SEMA6D: variants seen among roughly 807,000 people sequenced by gnomAD.
SEMA6D encodes the protein semaphorin 6D, also known as semaphorin-6D.
A neutral mutation model predicts 106.6 loss-of-function variants in SEMA6D; 35 were observed. The observed-to-expected ratio is 0.33, with a 90% CI of 0.25 to 0.44. SEMA6D has a LOEUF of 0.44. Among genes scored for constraint, SEMA6D ranks in the 20% least tolerant of loss-of-function variants. The pLI is 1.00. For missense variants in SEMA6D, 1,185 were observed against 1,345.9 expected (o/e 0.88, Z 1.87); for synonymous variants, 499 against 487.7 (o/e 1.02, Z -0.31).
chr15:47,360,843 C>G (rs2038778354), intron 1 of SEMA6D, among the ~76,000 whole-genome samples: 1 of 152,152 alleles, frequency 6.6e-6, no homozygotes, highest in Non-Finnish European at 1.5e-5. Flanking sequence ...AACACTAAAT[C>G]ACAGGAAACC....
At chr15:47,329,313 AT>A (rs1244630662) in intron 1 of SEMA6D, among the ~76,000 whole-genome samples, 1 of 152,144 alleles carries the variant, frequency 6.6e-6, no homozygotes, top group Non-Finnish European at 1.5e-5. Flanking sequence ...CCTTCTTCTC[AT>A]TTTCTTAACC....
rs117486552 is a variant in SEMA6D at position 47,364,263 on chromosome 15, A to T, written c.-238-48130A>T. ...GGTAGGAGGTTGTGGAACTATTTTC[A>T]TGCCTTTGAAGCTGCAGGTCAGAAC... On this transcript the variant is annotated intron_variant, in intron 1 of 19. Transcript: ENST00000558014. Among the ~76,000 whole-genome samples, 545 of 152,260 alleles carry T rather than the reference A, an allele frequency of 3.6e-3. 1 individual carries two copies. Among genetic ancestry groups the T allele is most frequent in the Non-Finnish European group, 6.0e-3 (407 of 68,026 alleles).
intron 1 of SEMA6D, among the ~76,000 whole-genome samples, chr15:47,724,361 G>A (rs1301970233): frequency 6.6e-6 from 1 of 152,230 alleles, no homozygotes; most frequent in Non-Finnish European, 1.5e-5. Context: ...AGAGGTCAGG[G>A]ATCTTACTGC....
chr15:47,493,042 G>A (rs1567118365), intron 3 of SEMA6D, among the ~76,000 whole-genome samples: 1 of 152,124 alleles, frequency 6.6e-6, no homozygotes, highest in Non-Finnish European at 1.5e-5. Flanking sequence ...TGGAATGAAA[G>A]ACACAGATTT....
At chr15:47,603,152 ACTT>A (rs995267960) in intron 4 of SEMA6D, among the ~76,000 whole-genome samples, 13 of 152,072 alleles carry the variant, frequency 8.5e-5, no homozygotes, top group Non-Finnish European at 1.6e-4. Flanking sequence ...TAGGAGATAA[ACTT>A]CTTCATCATG....
intron 3 of SEMA6D, among the ~76,000 whole-genome samples, chr15:47,544,206 TCAAA>T (rs993048317): frequency 1.3e-5 from 2 of 152,162 alleles, no homozygotes; most frequent in Non-Finnish European, 2.9e-5. Flanking sequence ...CTATGGTGGA[TCAAA>T]CAGTCAATAA....
At chr15:47,494,800 TACACACACACAC>T (rs71432245) in intron 3 of SEMA6D, among the ~76,000 whole-genome samples, 10 of 96,456 alleles carry the variant, frequency 1.0e-4, no homozygotes, top group East Asian at 6.4e-4. Flanking sequence ...AATCTCCAGA[TACACACACACAC>T]ACACACACAC....
chr15:47,532,289 A>G (rs779954382), intron 3 of SEMA6D, among the ~76,000 whole-genome samples: 7 of 152,254 alleles, frequency 4.6e-5, no homozygotes, highest in Middle Eastern at 3.2e-3. Context: ...AAAACTGTCA[A>G]TGAATAAAGA....
chr15:47,249,012 G>C (rs933388899), intron 1 of SEMA6D, among the ~76,000 whole-genome samples: 2 of 152,134 alleles, frequency 1.3e-5, no homozygotes, highest in African/African-American at 4.8e-5. Flanking sequence ...TGGATCACCT[G>C]AGGTCAGGGG....
intron 4 of SEMA6D, among the ~76,000 whole-genome samples, chr15:47,644,581 C>G (rs1362203696): frequency 6.6e-6 from 1 of 152,206 alleles, no homozygotes; most frequent in Non-Finnish European, 1.5e-5. Context: ...GGTGCCCTTA[C>G]AAAGGGGCTT....
chr15:47,694,747 AT>A (rs1312076838), intron 4 of SEMA6D, among the ~76,000 whole-genome samples: 2 of 152,122 alleles, frequency 1.3e-5, no homozygotes, highest in Non-Finnish European at 2.9e-5. Flanking sequence ...ACTGCAAGTT[AT>A]TTTTTGCAGC....
chr15:47,417,442 TC>T (rs2041009469), intron 2 of SEMA6D, among the ~76,000 whole-genome samples: 1 of 146,158 alleles, frequency 6.8e-6, no homozygotes, highest in Admixed American at 7.0e-5. Flanking sequence ...TGTGTGTGTG[TC>T]AGAGAGAGAG....
chr15:47,271,030 G>A (rs571860245), intron 1 of SEMA6D, among the ~76,000 whole-genome samples: 1 of 152,236 alleles, frequency 6.6e-6, no homozygotes, highest in African/African-American at 2.4e-5. Flanking sequence ...CATTAACTAT[G>A]TATGGTTCAT....
At chr15:47,604,938 C>T (rs983568729) in intron 4 of SEMA6D, among the ~76,000 whole-genome samples, 20 of 151,746 alleles carry the variant, frequency 1.3e-4, no homozygotes, top group South Asian at 8.3e-4. Flanking sequence ...CATCTCCTGA[C>T]CTCGCAATCT....
At chr15:47,546,219 A>G (rs1368188998) in intron 3 of SEMA6D, among the ~76,000 whole-genome samples, 2 of 152,190 alleles carry the variant, frequency 1.3e-5, no homozygotes, top group Non-Finnish European at 2.9e-5. Context: ...GAGGCAAGAC[A>G]AGGAAGAGTT....
Position 47,269,109 on chromosome 15 carries a change from T to A in SEMA6D, c.-239+84691T>A, listed in dbSNP as rs535362289. 2.6e-5 allele frequency among the ~76,000 whole-genome samples: 4 copies of A among 152,284 alleles called. No homozygotes were observed. The South Asian group carries it at 6.2e-4, about 24-fold the overall frequency. On this transcript the variant is annotated intron_variant, in intron 1 of 19. Transcript: ENST00000558014. Reference sequence around the variant, plus strand: ...TTTTATATATGATTCTGAGAAGTTTTCTATATTATGTTTTTATGTATGCTT... The same window carrying A: ...TTTTATATATGATTCTGAGAAGTTTACTATATTATGTTTTTATGTATGCTT...
chr15:47,579,040 G>A (rs1566906277), intron 3 of SEMA6D, among the ~76,000 whole-genome samples: 2 of 152,168 alleles, frequency 1.3e-5, no homozygotes, highest in Admixed American at 6.5e-5. Flanking sequence ...ATGTAGGGCA[G>A]GTGTTCTCAC....
At chr15:47,649,021 T>G (rs1324916859) in intron 4 of SEMA6D, among the ~76,000 whole-genome samples, 1 of 152,244 alleles carries the variant, frequency 6.6e-6, no homozygotes, top group Non-Finnish European at 1.5e-5. Flanking sequence ...TATGTCTATG[T>G]GCATAGGACT....
intron 1 of SEMA6D, among the ~76,000 whole-genome samples, chr15:47,338,414 A>G (rs1036804951): frequency 6.6e-6 from 1 of 152,102 alleles, no homozygotes; most frequent in Non-Finnish European, 1.5e-5. Context: ...GCTTGAGGGG[A>G]TGGATACTCC....
Sources: allele counts gnomAD v4.1 joint callset (sites outside exome capture counted in the v4.1 genomes callset), GRCh38; gene constraint gnomAD v4.1.1; transcripts MANE v1.5; gene names NCBI Gene and HGNC (gene_info 2026-07-23, HGNC 2026-07-21).